TBC1D1: variants seen among roughly 807,000 people sequenced by gnomAD.
The protein encoded by TBC1D1 is TBC1 domain family member 1.
In TBC1D1, 89 loss-of-function variants were observed where a neutral mutation model predicts 125.6. That is an observed-to-expected ratio of 0.71 (90% CI 0.60 to 0.85). The LOEUF is 0.85. Ranked by LOEUF, TBC1D1 falls within the 40% of genes least tolerant of loss-of-function variation. The probability of loss-of-function intolerance (pLI) is 0.00; values close to 1 mark genes in which losing one functional copy is unlikely to be tolerated. For synonymous variants in TBC1D1, 565 were observed against 564.1 expected, an observed-to-expected ratio of 1.00 and a Z score of -0.02; for missense variants, 1,377 against 1,469.2, an observed-to-expected ratio of 0.94 and a Z score of 1.03.
intron 17 of TBC1D1, among the ~76,000 whole-genome samples, chr4:38,122,252 T>G (rs1411518649): frequency 6.6e-6 from 1 of 152,206 alleles, no homozygotes; most frequent in Non-Finnish European, 1.5e-5. Context: ...CTCATTAACA[T>G]CATCTCCTTA....
chr4:38,130,484 C>A (rs1765402589), intron 18 of TBC1D1, among the ~76,000 whole-genome samples: 1 of 152,140 alleles, frequency 6.6e-6, no homozygotes, highest in South Asian at 2.1e-4. Flanking sequence ...TACCAAAATT[C>A]TGGAACTTGA....
intron 2 of TBC1D1, among the ~76,000 whole-genome samples, chr4:37,941,753 C>T (rs1320858047): frequency 6.6e-6 from 1 of 152,176 alleles, no homozygotes; most frequent in African/African-American, 2.4e-5. Context: ...CAAAGAACAT[C>T]TTTATTTCTG....
At chr4:37,950,990 C>T (rs891065074) in intron 2 of TBC1D1, among the ~76,000 whole-genome samples, 1 of 152,152 alleles carries the variant, frequency 6.6e-6, no homozygotes, top group Non-Finnish European at 1.5e-5. Flanking sequence ...TCTCGAACTC[C>T]TGACCTCAGG....
At chr4:38,125,537 ATAAT>A (rs1382318503) in intron 18 of TBC1D1, among the ~76,000 whole-genome samples, 2 of 152,226 alleles carry the variant, frequency 1.3e-5, no homozygotes, top group Non-Finnish European at 2.9e-5. Flanking sequence ...TTTTCTCCAA[ATAAT>A]TCTTTGATAA....
intron 2 of TBC1D1, among the ~76,000 whole-genome samples, chr4:38,008,797 C>A (rs1017981785): frequency 6.6e-6 from 1 of 152,214 alleles, no homozygotes; most frequent in Non-Finnish European, 1.5e-5. Flanking sequence ...TGCACAGGAG[C>A]GGCCTTCTGT....
intron 2 of TBC1D1, among the ~76,000 whole-genome samples, chr4:37,983,677 G>A (rs893697673): frequency 7.2e-5 from 11 of 152,144 alleles, no homozygotes; most frequent in African/African-American, 2.7e-4. Context: ...GGGGACACAT[G>A]CACAGCATCC....
chr4:37,901,838 A>G (rs1385681313), intron 1 of TBC1D1, among the ~76,000 whole-genome samples, 165 bp from the exon 2 acceptor site: 2 of 152,128 alleles, frequency 1.3e-5, no homozygotes, highest in Non-Finnish European at 2.9e-5. Context: ...CAGGTTTTAT[A>G]TGGAATACAA....
chr4:37,960,923 C>T (rs774311647), intron 2 of TBC1D1: 2 of 1,614,032 alleles, frequency 1.2e-6, no homozygotes, highest in African/African-American at 2.7e-5. Flanking sequence ...AGCTGGGCCC[C>T]CCTTCACCTG....
intron 15 of TBC1D1, among the ~76,000 whole-genome samples, chr4:38,112,274 T>G (rs1762312532): frequency 6.6e-6 from 1 of 152,240 alleles, no homozygotes; most frequent in Non-Finnish European, 1.5e-5. Context: ...TGGAAGGCTG[T>G]CAGAAAGCGA....
At chr4:38,071,945 A>G (rs1754775479) in intron 12 of TBC1D1, among the ~76,000 whole-genome samples, 4 of 152,222 alleles carry the variant, frequency 2.6e-5, no homozygotes. Flanking sequence ...GTCTAGGGTC[A>G]GCACCTGGTG....
At chr4:38,040,497 T>TGGGGGG (rs1332489056) in intron 8 of TBC1D1, among the ~76,000 whole-genome samples, 12 of 152,096 alleles carry the variant, frequency 7.9e-5, no homozygotes, top group Non-Finnish European at 1.6e-4. Flanking sequence ...CTGTGTTGGA[T>TGGGGGG]GGGATGTTCT....
chr4:37,916,728 C>T (rs1719814974), intron 2 of TBC1D1, among the ~76,000 whole-genome samples: 1 of 152,054 alleles, frequency 6.6e-6, no homozygotes, highest in African/African-American at 2.4e-5. Context: ...AACGGGAGGG[C>T]TGATGTTTAG....
At chr4:38,100,749 C>T (rs1182194391) in intron 14 of TBC1D1, among the ~76,000 whole-genome samples, 1 of 152,176 alleles carries the variant, frequency 6.6e-6, no homozygotes, top group Non-Finnish European at 1.5e-5. Context: ...GAAGAAAGTA[C>T]TTACTACACA....
intron 3 of TBC1D1, among the ~76,000 whole-genome samples, chr4:38,015,612 C>G (rs1020191075): frequency 2.6e-5 from 4 of 152,136 alleles, no homozygotes; most frequent in Admixed American, 1.3e-4. Context: ...TGGGAGTCCC[C>G]TGGGTCTGAA....
At chr4:38,100,499 G>T (rs1760115849) in intron 14 of TBC1D1, among the ~76,000 whole-genome samples, 1 of 152,190 alleles carries the variant, frequency 6.6e-6, no homozygotes, top group Admixed American at 6.5e-5. Flanking sequence ...AATCCAGGAT[G>T]CTCTCCTCCT....
At chr4:37,905,670 C>T (rs1053965448) in intron 2 of TBC1D1, among the ~76,000 whole-genome samples, 2 of 152,198 alleles carry the variant, frequency 1.3e-5, no homozygotes, top group South Asian at 2.1e-4. Context: ...TTCTTTGGCC[C>T]TCCAGAAAGT....
intron 2 of TBC1D1, among the ~76,000 whole-genome samples, chr4:38,006,003 A>C (rs772958220): frequency 6.6e-6 from 1 of 152,152 alleles, no homozygotes; most frequent in Non-Finnish European, 1.5e-5. Flanking sequence ...TTCTTTGTCC[A>C]CTTGTATTGT....
chr4:38,081,523 A>G (rs1415309459), intron 12 of TBC1D1, among the ~76,000 whole-genome samples: 1 of 152,158 alleles, frequency 6.6e-6, no homozygotes, highest in East Asian at 1.9e-4. Flanking sequence ...CTTCTCCAGT[A>G]TTCTTCAGTA....
intron 2 of TBC1D1, among the ~76,000 whole-genome samples, chr4:38,009,171 T>G (rs1251685696): frequency 6.6e-6 from 1 of 152,246 alleles, no homozygotes; most frequent in Non-Finnish European, 1.5e-5. Flanking sequence ...AAATAACTGC[T>G]TGTCAATAAA....
Sources: gnomAD v4.1 joint callset for allele counts (sites outside exome capture counted in the v4.1 genomes callset) on GRCh38, gnomAD v4.1.1 for gene constraint, MANE v1.5 for transcripts, NCBI Gene and HGNC (gene_info 2026-07-23, HGNC 2026-07-21) for gene names.